Variants in CCDC171 observed in about 807,000 individuals in gnomAD.
The protein encoded by CCDC171 is coiled-coil domain-containing protein 171.
Under a neutral mutation model 168.2 loss-of-function variants are expected in CCDC171, and 177 were observed. That is an observed-to-expected ratio of 1.05 (90% CI 0.93 to 1.19). CCDC171 has a LOEUF of 1.19. Among genes scored for constraint, CCDC171 ranks in the 50% most tolerant of loss-of-function variants. The pLI, the probability that CCDC171 is intolerant of heterozygous loss-of-function variation, is 0.00. For missense variants in CCDC171, 1,991 were observed against 1,539.0 expected (o/e 1.29, Z -4.91); for synonymous variants, 687 against 540.8 (o/e 1.27, Z -3.75).
At chr9:16,035,381 G>C (rs368083637) in intron 6 of CCDC171, 2 of 152,138 alleles carry the variant, frequency 1.3e-5, no homozygotes, top group Admixed American at 6.5e-5. Flanking sequence ...ATGTCTAAGA[G>C]AATTGTCTTC....
At chr9:15,788,519 A>G (rs2058084728) in intron 21 of CCDC171, among the ~76,000 whole-genome samples, 2 of 151,684 alleles carry the variant, frequency 1.3e-5, no homozygotes, top group South Asian at 4.2e-4. Context: ...AAAACAAGCT[A>G]TCTATGATTT....
chr9:15,964,085 A>C (rs1319061500), intron 25 of CCDC171, among the ~76,000 whole-genome samples: 1 of 152,224 alleles, frequency 6.6e-6, no homozygotes, highest in Non-Finnish European at 1.5e-5. Context: ...TGTGGAGCCC[A>C]AGATAGAAGC....
intron 18 of CCDC171, among the ~76,000 whole-genome samples, chr9:15,746,628 G>C (rs532185745): frequency 7.2e-5 from 11 of 152,326 alleles, no homozygotes; most frequent in African/African-American, 2.6e-4. Context: ...GGCGATTTGA[G>C]TGCTTCCAAG....
chr9:16,058,414 G>C (rs751045515), intron 1 of CCDC171, among the ~76,000 whole-genome samples: 1 of 152,126 alleles, frequency 6.6e-6, no homozygotes, highest in Non-Finnish European at 1.5e-5. Flanking sequence ...TATGCTGCAG[G>C]TATGCTGCAG....
chr9:15,794,882 A>G (rs1211942967), intron 21 of CCDC171, among the ~76,000 whole-genome samples: 1 of 152,234 alleles, frequency 6.6e-6, no homozygotes, highest in Admixed American at 6.5e-5. Context: ...TTCACTTGGG[A>G]CTTTTAGATC....
intron 21 of CCDC171, chr9:15,845,752 G>C (rs923152054): frequency 3.3e-5 from 5 of 152,040 alleles, no homozygotes; most frequent in Admixed American, 3.3e-4. Flanking sequence ...ATAAAAAACT[G>C]TTTGATAAGC....
At chr9:15,679,658 T>C (rs1324284756) in intron 10 of CCDC171, among the ~76,000 whole-genome samples, 1 of 152,126 alleles carries the variant, frequency 6.6e-6, no homozygotes, top group Non-Finnish European at 1.5e-5. Flanking sequence ...CAAGCAATCC[T>C]CTTGCCTCAG....
chr9:15,657,136 C>T lies in CCDC171; in HGVS notation c.832C>T (p.Leu278=), dbSNP rs764914792. 2.2e-5 allele frequency: 35 copies of T among 1,602,170 alleles called. No individual in the cohort carries two copies. The highest frequency in any genetic ancestry group is 3.0e-5 in the Non-Finnish European group (35 of 1,172,622). ...RLRKEFEATT[L]RVRKLEENIE... ...TTTAATTTGTTTTCAGGCAACTACT[C>T]TAAGAGTGAGGAAATTAGAAGAAAA... Residue 278 remains leucine (L), a synonymous_variant, in exon 8 of 26, where the codon CTA becomes TTA. Coordinates refer to ENST00000380701, the MANE Select transcript of CCDC171 (RefSeq NM_173550.4).
chr9:15,776,899 A>G (rs971231733), intron 18 of CCDC171, among the ~76,000 whole-genome samples: 1 of 152,228 alleles, frequency 6.6e-6, no homozygotes, highest in Non-Finnish European at 1.5e-5. Flanking sequence ...GTCATTTTAC[A>G]TTGATAGTAT....
intron 8 of CCDC171, among the ~76,000 whole-genome samples, chr9:15,657,603 A>C (rs908282612): frequency 2.6e-5 from 4 of 152,168 alleles, no homozygotes; most frequent in African/African-American, 4.8e-5. Flanking sequence ...AAAAATGTGC[A>C]TGTTATTTAT....
intron 16 of CCDC171, among the ~76,000 whole-genome samples, chr9:15,740,164 G>C (rs1321176656): frequency 6.6e-6 from 1 of 151,872 alleles, no homozygotes; most frequent in Admixed American, 6.6e-5. Flanking sequence ...TAATATTTCT[G>C]TGGTTTCATT....
chr9:15,774,118 C>T (rs2057165670), intron 18 of CCDC171, among the ~76,000 whole-genome samples: 1 of 151,614 alleles, frequency 6.6e-6, no homozygotes, highest in African/African-American at 2.4e-5. Context: ...TGGTGGTGGG[C>T]ATCTGTAACC....
rs370865590 is a variant in CCDC171, at chr9:15,744,489, C to T, written c.2266C>T (p.Gln756Ter). Residue 756 changes from glutamine to a stop codon, truncating the protein, a stop_gained, in exon 17 of 26, where the codon CAG (glutamine) becomes TAG (stop). Transcript: ENST00000380701. LOFTEE classifies it high-confidence loss of function. ...CTTGTCTACACAGAGAGATTTTCTCCAGGAGCAGGTCAACACCTTTGAGTT... is the reference window on the plus strand; with the variant it reads ...CTTGTCTACACAGAGAGATTTTCTCTAGGAGCAGGTCAACACCTTTGAGTT... ...CALSTQRDFLQEQVNTFELFK... is the reference protein window; with the variant it reads ...CALSTQRDFL 2.5e-6 allele frequency: 4 copies of T among 1,614,176 alleles called. No homozygotes were observed. The highest frequency in any genetic ancestry group is 3.4e-6 in the Non-Finnish European group (4 of 1,180,036).
chr9:15,734,839 A>T (rs2054384578), intron 16 of CCDC171, among the ~76,000 whole-genome samples: 1 of 152,300 alleles, frequency 6.6e-6, no homozygotes, highest in Non-Finnish European at 1.5e-5. Flanking sequence ...AGGGGAAAAA[A>T]TCCGCAGTTG....
chr9:15,657,307 G>A, intron 8 of CCDC171, 88 bp downstream of exon 8: 1 of 723,926 alleles, frequency 1.4e-6, no homozygotes, highest in Non-Finnish European at 2.4e-6. Flanking sequence ...AGAGAACGAA[G>A]GTGTGCATTG....
At chr9:15,961,086 T>C (rs543569795) in intron 25 of CCDC171, among the ~76,000 whole-genome samples, 6 of 152,298 alleles carry the variant, frequency 3.9e-5, no homozygotes, top group Admixed American at 1.3e-4. Flanking sequence ...GATTGACAGA[T>C]ACTTATATTG....
At chr9:15,593,935 TTTAA>T in intron 5 of CCDC171, 102 bp from the exon 6 acceptor site, 1 of 708,610 alleles carries the variant, frequency 1.4e-6, no homozygotes, top group Non-Finnish European at 2.4e-6. Context: ...TATGATGAGT[TTTAA>T]CATCTATAGG....
chr9:15,860,831 T>A (rs1443971964), intron 23 of CCDC171, among the ~76,000 whole-genome samples: 1 of 151,910 alleles, frequency 6.6e-6, no homozygotes, highest in Non-Finnish European at 1.5e-5. Context: ...TCCCCGTTAT[T>A]GGAAGTGGGG....
At chr9:16,054,286 A>G (rs1397939858) in intron 1 of CCDC171, among the ~76,000 whole-genome samples, 11 of 152,208 alleles carry the variant, frequency 7.2e-5, no homozygotes, top group Admixed American at 7.2e-4. Flanking sequence ...GGAAAGATAC[A>G]TAATAAATAA....
Sources: allele counts gnomAD v4.1 joint callset (sites outside exome capture counted in the v4.1 genomes callset), GRCh38; gene constraint gnomAD v4.1.1; transcripts MANE v1.5; gene names NCBI Gene and HGNC (gene_info 2026-07-23, HGNC 2026-07-21).